The following BTLA variants were observed in gnomAD, a reference collection of about 807,000 sequenced individuals.
The protein encoded by BTLA is B and T lymphocyte associated, also known as B- and T-lymphocyte attenuator.
In BTLA, 11 loss-of-function variants were observed where a neutral mutation model predicts 25.0. The observed-to-expected ratio is 0.44, with a 90% CI of 0.28 to 0.73. BTLA has a LOEUF of 0.73. Among genes scored for constraint, BTLA ranks in the 30% least tolerant of loss-of-function variants. The pLI, the probability that BTLA is intolerant of heterozygous loss-of-function variation, is 0.15. For synonymous variants in BTLA, 104 were observed against 119.8 expected (o/e 0.87, Z 0.86); for missense variants, 282 against 332.8 (o/e 0.85, Z 1.19).
Position 112,464,345 on chromosome 3 carries a change from G to T in BTLA, c.*1763C>A. 2.6e-6 allele frequency: 1 copy of T among 387,314 alleles called. No individual in the cohort carries two copies. The highest frequency in any genetic ancestry group is 4.6e-6 in the Non-Finnish European group (1 of 218,844). The allele number at this position is 387,314 out of a possible 1,614,324, so 24.0% of individuals were successfully genotyped here. On this transcript the variant is annotated 3_prime_UTR_variant, in exon 5 of 5. Coordinates refer to ENST00000334529, the MANE Select transcript of BTLA (RefSeq NM_181780.4). ...TCATGAAGGAACTGTTCAATTTCGT[G>T]TGTTCATCTGATAAGAGGACAGCTA... is the stretch of plus-strand genomic sequence containing the variant.
intron 1 of BTLA, among the ~76,000 whole-genome samples, chr3:112,483,146 T>C (rs1046896163): frequency 1.1e-4 from 15 of 139,698 alleles, no homozygotes; most frequent in African/African-American, 3.4e-4. Flanking sequence ...CTTTCTTTTT[T>C]TTTTTTTTTT....
chr3:112,476,538 GC>G (rs771693180), intron 2 of BTLA, among the ~76,000 whole-genome samples: 5 of 152,282 alleles, frequency 3.3e-5, no homozygotes, highest in Non-Finnish European at 7.4e-5. Flanking sequence ...GTTCAGCCAT[GC>G]TGCTATTGCA....
intron 1 of BTLA, among the ~76,000 whole-genome samples, chr3:112,485,977 C>G (rs374899227): frequency 1.3e-5 from 2 of 152,106 alleles, no homozygotes; most frequent in Non-Finnish European, 2.9e-5. Context: ...ATTAGCCGGG[C>G]GTGGTGGCGG....
intron 2 of BTLA, among the ~76,000 whole-genome samples, chr3:112,472,339 T>G (rs2082267069): frequency 6.6e-6 from 1 of 152,126 alleles, no homozygotes; most frequent in Non-Finnish European, 1.5e-5. Flanking sequence ...ATCTGGTTGT[T>G]GTTGTTGTTG....
chr3:112,464,793 C>T lies in BTLA; in HGVS notation c.*1315G>A, dbSNP rs1318144854. ...GCACCATTTCTGTTGTCACCCACCC[C>T]ACCTAACACACACACACACACACAC... is the stretch of plus-strand genomic sequence containing the variant. On this transcript the variant is annotated 3_prime_UTR_variant, in exon 5 of 5. Coordinates refer to ENST00000334529, the MANE Select transcript of BTLA (RefSeq NM_181780.4). 4.5e-5 allele frequency: 6 copies of T among 132,576 alleles called. No individual in the cohort carries two copies. Among genetic ancestry groups the T allele is most frequent in the Non-Finnish European group, 7.9e-5 (5 of 63,036 alleles). The allele number at this position is 132,576 out of a possible 1,614,324, so 8.2% of individuals were successfully genotyped here.
chr3:112,471,104 C>T, intron 3 of BTLA, 108 bp downstream of exon 3: 3 of 1,313,986 alleles, frequency 2.3e-6, no homozygotes, highest in Non-Finnish European at 2.0e-6. Flanking sequence ...CCATGGTTTA[C>T]AGGATTGGGA....
chr3:112,483,926 C>G lies in BTLA; in HGVS notation c.89-4157G>C, dbSNP rs140909573. Among the ~76,000 whole-genome samples the G allele has an allele frequency of 8.2e-3, 1,247 of 151,766 alleles. 46 individuals are homozygous for G. Among genetic ancestry groups the G allele is most frequent in the East Asian group, 0.06 (310 of 5,144 alleles). On this transcript the variant is annotated intron_variant, in intron 1 of 4. Transcript: ENST00000334529. ...GAGGTTCCAGTGAGCTGAGATCATG[C>G]CACTGCACTCCAGCCTGGGCAACAC...
chr3:112,490,740 AG>A (rs34374634), intron 1 of BTLA, among the ~76,000 whole-genome samples: 148,231 of 149,924 alleles, frequency 0.99, 73,289 homozygotes, highest in Non-Finnish European at 1. Context: ...AAAAAAAAAA[AG>A]CAACCATGAA....
At chr3:112,499,225 A>G (rs763999826) in intron 1 of BTLA, 46 bp downstream of exon 1, 5 of 1,356,660 alleles carry the variant, frequency 3.7e-6, no homozygotes, top group Non-Finnish European at 5.3e-6. Context: ...TGCCTCCAAG[A>G]CCCCCTGAGA....
chr3:112,478,088 T>A (rs1450651297), intron 2 of BTLA, among the ~76,000 whole-genome samples: 1 of 151,958 alleles, frequency 6.6e-6, no homozygotes, highest in Non-Finnish European at 1.5e-5. Context: ...TTTTCAAGAT[T>A]GTTTTGGCAA....
intron 1 of BTLA, among the ~76,000 whole-genome samples, chr3:112,483,150 T>C (rs1324195645): frequency 2.1e-5 from 3 of 143,218 alleles, no homozygotes; most frequent in Admixed American, 7.0e-5. Flanking sequence ...CTTTTTTTTT[T>C]TTTTTTTTTT....
chr3:112,485,914 C>T (rs759898907), intron 1 of BTLA, among the ~76,000 whole-genome samples: 63 of 152,206 alleles, frequency 4.1e-4, no homozygotes, highest in Non-Finnish European at 8.4e-4. Context: ...AGATAGAGAC[C>T]ATCCCGGCTA....
chr3:112,475,295 G>T (rs956884421), intron 2 of BTLA, among the ~76,000 whole-genome samples: 5 of 152,102 alleles, frequency 3.3e-5, no homozygotes, highest in Non-Finnish European at 7.4e-5. Context: ...GAGTAGAAAT[G>T]TTCAAAAAGA....
chr3:112,468,912 A>C (rs1354283159), intron 4 of BTLA, among the ~76,000 whole-genome samples: 1 of 152,124 alleles, frequency 6.6e-6, no homozygotes, highest in East Asian at 1.9e-4. Flanking sequence ...TTATATATAG[A>C]ATTATTGGCT....
chr3:112,485,112 T>C (rs2082339072), intron 1 of BTLA, among the ~76,000 whole-genome samples: 1 of 152,162 alleles, frequency 6.6e-6, no homozygotes, highest in Non-Finnish European at 1.5e-5. Flanking sequence ...TGATGCAATT[T>C]CGGCTCACTG....
chr3:112,479,875 C>T (rs2082308449), intron 1 of BTLA, 106 bp from the exon 2 acceptor site: 9 of 918,582 alleles, frequency 9.8e-6, no homozygotes, highest in South Asian at 1.8e-5. Context: ...TCAAAAACAA[C>T]CCCCCAATTT....
At chr3:112,485,273 G>A (rs1478831478) in intron 1 of BTLA, among the ~76,000 whole-genome samples, 2 of 152,050 alleles carry the variant, frequency 1.3e-5, no homozygotes, top group Admixed American at 6.6e-5. Context: ...TCGAACTCCT[G>A]ACCTCAGGTG....
chr3:112,483,566 G>A (rs999050409), intron 1 of BTLA, among the ~76,000 whole-genome samples: 10 of 152,144 alleles, frequency 6.6e-5, no homozygotes, highest in Non-Finnish European at 1.5e-4. Context: ...CTGGTTGTTA[G>A]GAAGCCTAGG....
intron 2 of BTLA, among the ~76,000 whole-genome samples, chr3:112,478,799 C>T (rs147287557): frequency 4.6e-5 from 7 of 152,220 alleles, no homozygotes; most frequent in Non-Finnish European, 7.4e-5. Flanking sequence ...CCTACTCCCC[C>T]CCTATGTATT....
Sources: allele counts gnomAD v4.1 joint callset (sites outside exome capture counted in the v4.1 genomes callset), GRCh38; gene constraint gnomAD v4.1.1; transcripts MANE v1.5; gene names NCBI Gene and HGNC (gene_info 2026-07-23, HGNC 2026-07-21).